ANK3: variants seen among roughly 807,000 people sequenced by gnomAD.
The protein encoded by ANK3 is ankyrin-3.
Under a neutral mutation model 370.9 loss-of-function variants are expected in ANK3, and 57 were observed. The ratio of observed to expected loss-of-function variants is 0.15; its 90% CI spans 0.12 to 0.19. The LOEUF is 0.19. ANK3 is among the 10% of genes least tolerant of loss of function. The pLI, the probability that ANK3 is intolerant of heterozygous loss-of-function variation, is 1.00. For missense variants in ANK3, 4,439 were observed against 5,302.1 expected, an observed-to-expected ratio of 0.84 and a Z score of 5.06; for synonymous variants, 1,929 against 1,946.3, an observed-to-expected ratio of 0.99 and a Z score of 0.23.
intron 42 of ANK3, among the ~76,000 whole-genome samples, chr10:60,045,726 T>C (rs1564591008): frequency 6.6e-6 from 1 of 152,224 alleles, no homozygotes; most frequent in African/African-American, 2.4e-5. Flanking sequence ...AGATTCTAAC[T>C]CTTTGTGTTA....
chr10:60,292,724 T>TG (rs2041703830), intron 1 of ANK3, among the ~76,000 whole-genome samples: 1 of 151,358 alleles, frequency 6.6e-6, no homozygotes. Context: ...TTTTTTTTTT[T>TG]TTTTGACGGA....
At chr10:60,647,290 G>T (rs1214154222) in intron 1 of ANK3, among the ~76,000 whole-genome samples, 2 of 152,088 alleles carry the variant, frequency 1.3e-5, no homozygotes, top group Non-Finnish European at 2.9e-5. Context: ...AAGCTTTTTG[G>T]TTGAAAATAT....
In ANK3 at chr10:60,443,855, C is replaced by T. The variant is rs1301478605; in HGVS notation, c.97-164216G>A. 2.6e-5 allele frequency among the ~76,000 whole-genome samples: 4 copies of T among 152,050 alleles called. No homozygotes were observed. The East Asian group carries it at 7.7e-4, about 29-fold the overall frequency. On this transcript the variant is annotated intron_variant, in intron 2 of 43. Coordinates refer to the ANK3 transcript ENST00000373827. ...TTCTTTTAGCAAACATTTCCTGATC[C>T]TCTGATAGGTGCCAAGCAAGATGGC...
At chr10:60,293,425 T>C (rs1037322248) in intron 1 of ANK3, among the ~76,000 whole-genome samples, 1 of 152,194 alleles carries the variant, frequency 6.6e-6, no homozygotes, top group Non-Finnish European at 1.5e-5. Flanking sequence ...AACAAAAAAA[T>C]ACATACAATC....
chr10:60,475,102 G>GC (rs2075027510), intron 2 of ANK3, among the ~76,000 whole-genome samples: 1 of 152,080 alleles, frequency 6.6e-6, no homozygotes, highest in Non-Finnish European at 1.5e-5. Context: ...AAACTTGCTG[G>GC]CAGCACTGAA....
At chr10:60,478,941 A>T (rs1465903667) in intron 2 of ANK3, among the ~76,000 whole-genome samples, 2 of 152,104 alleles carry the variant, frequency 1.3e-5, no homozygotes, top group African/African-American at 4.8e-5. Flanking sequence ...TGGCATACGA[A>T]CACGGTGGTT....
chr10:60,055,715 A>G lies in ANK3; in HGVS notation c.13008T>C (p.Asp4336=). 6.2e-7 allele frequency: 1 copy of G among 1,614,138 alleles called. No individual in the cohort carries two copies. Among genetic ancestry groups the G allele is most frequent in the Middle Eastern group, 1.6e-4 (1 of 6,062 alleles). The part of the protein sequence containing the change: ...MKKMSRTSPA[D]GKPRLSLHEE... ...CATGGAGGCTAAGCCTTGGCTTGCC[A>G]TCTGCTGGAGAAGTCCTACTCATCT... The change falls in exon 42 of 44, where the codon GAT becomes GAC. Residue 4336 remains aspartate, a synonymous_variant. Coordinates refer to ENST00000280772, the MANE Select transcript of ANK3 (RefSeq NM_020987.5).
chr10:60,564,380 A>G (rs1417442090), intron 2 of ANK3, among the ~76,000 whole-genome samples: 1 of 152,174 alleles, frequency 6.6e-6, no homozygotes, highest in Non-Finnish European at 1.5e-5. Flanking sequence ...CCTGCTCAAC[A>G]ACAAAAGACT....
At chr10:60,421,366 A>G (rs2063775331) in intron 2 of ANK3, among the ~76,000 whole-genome samples, 1 of 152,086 alleles carries the variant, frequency 6.6e-6, no homozygotes, top group Non-Finnish European at 1.5e-5. Context: ...AAGTGGAGAA[A>G]AAAGGGAAAG....
chr10:60,109,968 T>C (rs750593347), intron 26 of ANK3, among the ~76,000 whole-genome samples: 4 of 152,198 alleles, frequency 2.6e-5, no homozygotes, highest in African/African-American at 9.6e-5. Context: ...ATGAGTTCAA[T>C]GTGTGGAAGA....
chr10:60,034,495 T>C (rs2074470130), intron 43 of ANK3, among the ~76,000 whole-genome samples: 1 of 152,234 alleles, frequency 6.6e-6, no homozygotes, highest in South Asian at 2.1e-4. Flanking sequence ...ATGCCAGGTA[T>C]CAACTACAAA....
intron 2 of ANK3, among the ~76,000 whole-genome samples, chr10:60,517,163 C>T (rs1020861631): frequency 6.6e-6 from 1 of 152,110 alleles, no homozygotes; most frequent in African/African-American, 2.4e-5. Context: ...CTCCCAGGTT[C>T]AAGCAATTTT....
At chr10:60,295,753 A>C (rs1192571572) in intron 1 of ANK3, among the ~76,000 whole-genome samples, 1 of 152,248 alleles carries the variant, frequency 6.6e-6, no homozygotes, top group African/African-American at 2.4e-5. Context: ...AATAAAGCTG[A>C]CAATTTAAAA....
intron 2 of ANK3, among the ~76,000 whole-genome samples, chr10:60,571,520 T>G (rs1298680825): frequency 6.6e-6 from 1 of 152,230 alleles, no homozygotes; most frequent in Non-Finnish European, 1.5e-5. Context: ...AAATTATATA[T>G]GAGTCCTAGT....
In ANK3 at chr10:60,046,808, A is replaced by ATTTTT. The variant is rs10632318; in HGVS notation, c.13066-4054_13066-4050dup. Reference sequence around the variant, plus strand: ...TCTTCAATGGGAGAAAGTAATCTCAATTTTTTTTTTTTTTTTGAGATGGAG... The same window carrying ATTTTT: ...TCTTCAATGGGAGAAAGTAATCTCAATTTTTTTTTTTTTTTTTTTTTGAGATGGAG... On this transcript the variant is annotated intron_variant, in intron 42 of 43. Transcript: ENST00000280772. Among the ~76,000 whole-genome samples, 95 of 138,692 alleles carry ATTTTT rather than the reference A, an allele frequency of 6.8e-4. 5 individuals carry two copies. The highest frequency in any genetic ancestry group is 8.6e-4 in the East Asian group (4 of 4,626). 91.0% of individuals were successfully genotyped at this position (138,692 alleles called of 152,430 possible).
At chr10:60,619,195 C>T (rs2078303374) in intron 1 of ANK3, among the ~76,000 whole-genome samples, 1 of 152,000 alleles carries the variant, frequency 6.6e-6, no homozygotes, top group Non-Finnish European at 1.5e-5. Context: ...CATGCCCAGG[C>T]CCACTCCCAA....
chr10:60,529,217 C>A (rs1199405194), intron 2 of ANK3, among the ~76,000 whole-genome samples: 1 of 152,068 alleles, frequency 6.6e-6, no homozygotes, highest in Admixed American at 6.6e-5. Flanking sequence ...GTGCCAGAAA[C>A]AACAGTCATG....
chr10:60,339,921 G>C (rs2053865178), intron 1 of ANK3, among the ~76,000 whole-genome samples: 1 of 152,182 alleles, frequency 6.6e-6, no homozygotes, highest in Non-Finnish European at 1.5e-5. Flanking sequence ...TCAAGAAAAG[G>C]TACTGATGAT....
At chr10:60,470,744 G>C (rs1042159030) in intron 2 of ANK3, among the ~76,000 whole-genome samples, 1 of 151,910 alleles carries the variant, frequency 6.6e-6, no homozygotes, top group Non-Finnish European at 1.5e-5. Flanking sequence ...GGGAGTGGGA[G>C]GAAATGGAAT....
Sources: gnomAD v4.1 joint callset for allele counts (sites outside exome capture counted in the v4.1 genomes callset) on GRCh38, gnomAD v4.1.1 for gene constraint, MANE v1.5 for transcripts, NCBI Gene and HGNC (gene_info 2026-07-23, HGNC 2026-07-21) for gene names.